GXYLT1: variants seen among roughly 807,000 people sequenced by gnomAD.
The protein encoded by GXYLT1 is glucoside xylosyltransferase 1, also known as glycosyltransferase 8 domain containing 3.
Under a neutral mutation model 54.0 loss-of-function variants are expected in GXYLT1, and 29 were observed. That is an observed-to-expected ratio of 0.54 (90% CI 0.40 to 0.73). The LOEUF is 0.73. Among genes scored for constraint, GXYLT1 ranks in the 30% least tolerant of loss-of-function variants. GXYLT1 has a pLI of 0.00. For synonymous variants in GXYLT1, 176 were observed against 204.1 expected (o/e 0.86, Z 1.17); for missense variants, 490 against 553.4 (o/e 0.89, Z 1.15).
intron 7 of GXYLT1, among the ~76,000 whole-genome samples, chr12:42,095,903 A>AG (rs2065353194): frequency 6.6e-6 from 1 of 152,214 alleles, no homozygotes; most frequent in Non-Finnish European, 1.5e-5. Flanking sequence ...GTCTGGGAGC[A>AG]GGGGAGAGGA....
At chr12:42,110,945 G>A (rs2065450058) in intron 3 of GXYLT1, among the ~76,000 whole-genome samples, 1 of 152,100 alleles carries the variant, frequency 6.6e-6, no homozygotes, top group Admixed American at 6.5e-5. Flanking sequence ...CGAAAACTAA[G>A]TTCAAAAATA....
chr12:42,125,638 C>T (rs1354399228), intron 2 of GXYLT1, among the ~76,000 whole-genome samples: 1 of 152,058 alleles, frequency 6.6e-6, no homozygotes, highest in Non-Finnish European at 1.5e-5. Context: ...AATTAAGCCC[C>T]AGAACAATAA....
intron 1 of GXYLT1, among the ~76,000 whole-genome samples, chr12:42,137,838 C>T (rs1045070378): frequency 6.6e-6 from 1 of 151,222 alleles, no homozygotes; most frequent in Non-Finnish European, 1.5e-5. Context: ...TGAAGTGCTG[C>T]TGCAAAGCAG....
At chr12:42,126,995 T>C (rs1301966507) in intron 2 of GXYLT1, among the ~76,000 whole-genome samples, 1 of 152,178 alleles carries the variant, frequency 6.6e-6, no homozygotes, top group Non-Finnish European at 1.5e-5. Flanking sequence ...GCCATTTTAG[T>C]TTTTATATTA....
chr12:42,093,076 C>T (rs1269444260), intron 7 of GXYLT1, among the ~76,000 whole-genome samples: 2 of 152,114 alleles, frequency 1.3e-5, no homozygotes, highest in South Asian at 2.1e-4. Flanking sequence ...CCCTAATATA[C>T]GAAGCTAATA....
chr12:42,144,004 A>T lies in GXYLT1; in HGVS notation c.221+422T>A, dbSNP rs113168111. Among the ~76,000 whole-genome samples the T allele has an allele frequency of 4.6e-3, 693 of 151,458 alleles. 8 individuals carry two copies. Among genetic ancestry groups the T allele is most frequent in the African/African-American group, 0.016 (678 of 41,334 alleles). On this transcript the variant is annotated intron_variant, in intron 1 of 7. Coordinates refer to ENST00000398675, the MANE Select transcript of GXYLT1 (RefSeq NM_173601.2). ...ACAAAATACACACACATATACACTC[A>T]CACACACACACACAATCCTTAAACA...
intron 1 of GXYLT1, among the ~76,000 whole-genome samples, chr12:42,142,638 G>A (rs1249904075): frequency 6.6e-6 from 1 of 152,016 alleles, no homozygotes. Flanking sequence ...GCTACCGAGC[G>A]TTGCCAAAAG....
At chr12:42,115,309 G>A (rs1843425509) in intron 3 of GXYLT1, among the ~76,000 whole-genome samples, 2 of 152,082 alleles carry the variant, frequency 1.3e-5, no homozygotes, top group African/African-American at 2.4e-5. Flanking sequence ...GGAAATAAAG[G>A]GCATTCAATT....
rs539267200 is a variant in GXYLT1 at position 42,137,562 on chromosome 12, C to T, written c.221+6864G>A. Among the ~76,000 whole-genome samples, 3 of 145,688 alleles carry T rather than the reference C, an allele frequency of 2.1e-5. No individual in the cohort carries two copies. The East Asian group carries it at 6.1e-4, about 30-fold the overall frequency. On this transcript the variant is annotated intron_variant, in intron 1 of 7. Transcript: ENST00000398675. ...GGTCAGGAGATCGAGACCATCCTGG[C>T]TAACACGGTGCGGTGAAACCCTGTC...
intron 2 of GXYLT1, among the ~76,000 whole-genome samples, chr12:42,123,563 C>G (rs1478827658): frequency 6.6e-6 from 1 of 151,718 alleles, no homozygotes; most frequent in Non-Finnish European, 1.5e-5. Flanking sequence ...TAATAAACTT[C>G]TAAGTCTTAA....
chr12:42,088,020 A>G, intron 7 of GXYLT1, 73 bp from the exon 8 acceptor site: 2 of 668,826 alleles, frequency 3.0e-6, no homozygotes, highest in South Asian at 5.0e-5. Flanking sequence ...ATTATTTTCC[A>G]AACTTCTTCA....
At chr12:42,118,145 T>C (rs1410801196) in intron 3 of GXYLT1, among the ~76,000 whole-genome samples, 1 of 152,242 alleles carries the variant, frequency 6.6e-6, no homozygotes, top group East Asian at 1.9e-4. Flanking sequence ...AAGCCACTGT[T>C]ATTTTGGGTT....
chr12:42,123,086 C>G (rs746863512), intron 2 of GXYLT1, among the ~76,000 whole-genome samples: 40 of 151,996 alleles, frequency 2.6e-4, no homozygotes, highest in Non-Finnish European at 5.1e-4. Context: ...CTTTTCACCC[C>G]AAAAAAGGCT....
At position 42,144,743 on chromosome 12, in the gene GXYLT1, T is replaced by G; in HGVS notation, c.-97A>C. 6.6e-5 allele frequency: 57 copies of G among 863,784 alleles called. No individual in the cohort carries two copies. Among genetic ancestry groups the G allele is most frequent in the East Asian group, 7.5e-5 (2 of 26,624 alleles). The allele number at this position is 863,784 out of a possible 1,614,324, so 53.5% of individuals were successfully genotyped here. On this transcript the variant is annotated 5_prime_UTR_variant, in exon 1 of 8. Coordinates refer to ENST00000398675, the MANE Select transcript of GXYLT1 (RefSeq NM_173601.2). ...ACCGCGCAGCCGCGGGCGCAACAAG[T>G]TCCTCACCCGCAGCCGCCGCCGCCG...
At chr12:42,126,274 A>G (rs1023795424) in intron 2 of GXYLT1, among the ~76,000 whole-genome samples, 2 of 151,994 alleles carry the variant, frequency 1.3e-5, no homozygotes. Flanking sequence ...GGGTTTCACC[A>G]TGTTGGCCAG....
At chr12:42,090,619 G>T (rs2065324062) in intron 7 of GXYLT1, among the ~76,000 whole-genome samples, 1 of 152,116 alleles carries the variant, frequency 6.6e-6, no homozygotes, top group Non-Finnish European at 1.5e-5. Context: ...CCATAATTAG[G>T]CAATTTGAGG....
intron 2 of GXYLT1, among the ~76,000 whole-genome samples, chr12:42,126,605 A>G (rs1021134588): frequency 6.6e-6 from 1 of 152,192 alleles, no homozygotes; most frequent in Non-Finnish European, 1.5e-5. Context: ...TCAGGATTCA[A>G]GATTAGGCCG....
rs114736286 is a variant in GXYLT1 at position 42,131,173 on chromosome 12, T to C, written c.222-1322A>G. On this transcript the variant is annotated intron_variant, in intron 1 of 7. Transcript: ENST00000398675. ...ATTACAAAAAAATTGTTTTTCATCG[T>C]GATTTCTTTTCAAAATAATAGTCTA... Among the ~76,000 whole-genome samples, 701 of 152,314 alleles carry C rather than the reference T, an allele frequency of 4.6e-3. 7 individuals are homozygous for C. The highest frequency in any genetic ancestry group is 0.015 in the African/African-American group (641 of 41,570).
intron 1 of GXYLT1, among the ~76,000 whole-genome samples, chr12:42,134,254 G>A (rs373621273): frequency 2.0e-5 from 3 of 151,990 alleles, no homozygotes; most frequent in Non-Finnish European, 4.4e-5. Flanking sequence ...GACAAATCCT[G>A]GACCCTGTCA....
Sources: gnomAD v4.1 joint callset for allele counts (sites outside exome capture counted in the v4.1 genomes callset) on GRCh38, gnomAD v4.1.1 for gene constraint, MANE v1.5 for transcripts, NCBI Gene and HGNC (gene_info 2026-07-23, HGNC 2026-07-21) for gene names.